The following SUZ12 variants were observed in gnomAD, a reference collection of about 807,000 sequenced individuals.
SUZ12 encodes the protein SUZ12 polycomb repressive complex 2 subunit.
Under a neutral mutation model 87.3 loss-of-function variants are expected in SUZ12, and 17 were observed. The ratio of observed to expected loss-of-function variants is 0.19; its 90% CI spans 0.13 to 0.29. The LOEUF is 0.29. SUZ12 is among the 10% of genes least tolerant of loss of function. SUZ12 has a pLI of 1.00. For synonymous variants in SUZ12, 253 were observed against 312.4 expected (o/e 0.81, Z 2.01); for missense variants, 526 against 912.2 (o/e 0.58, Z 5.45).
chr17:31,943,164 A>G (rs1227999649), intron 3 of SUZ12, among the ~76,000 whole-genome samples: 1 of 152,222 alleles, frequency 6.6e-6, no homozygotes, highest in East Asian at 1.9e-4. Flanking sequence ...GTAACTAAAA[A>G]GGAGGTGATG....
At chr17:31,965,944 T>G (rs2142161635) in intron 4 of SUZ12, 1 of 414,662 alleles carries the variant, frequency 2.4e-6, no homozygotes, top group Admixed American at 4.4e-5. Flanking sequence ...TTTTGTTGTT[T>G]ATTTTTTGTT....
At chr17:31,942,907 A>G (rs1906392415) in intron 3 of SUZ12, among the ~76,000 whole-genome samples, 1 of 152,194 alleles carries the variant, frequency 6.6e-6, no homozygotes, top group Admixed American at 6.5e-5. Context: ...TGGTATTGTC[A>G]TTATAGTTTT....
intron 10 of SUZ12, among the ~76,000 whole-genome samples, chr17:31,992,253 C>G (rs988126485): frequency 2.0e-5 from 3 of 152,056 alleles, no homozygotes; most frequent in Non-Finnish European, 2.9e-5. Context: ...GATTGTGCCA[C>G]TGCACGCCAG....
intron 4 of SUZ12, among the ~76,000 whole-genome samples, chr17:31,960,292 C>G (rs147610867): frequency 0.047 from 7,104 of 152,032 alleles, 532 homozygotes; most frequent in African/African-American, 0.16. Flanking sequence ...CTCACTGCAA[C>G]CTCCGCCTCC....
chr17:31,971,682 G>A (rs527505956), intron 5 of SUZ12, among the ~76,000 whole-genome samples: 6 of 151,960 alleles, frequency 3.9e-5, no homozygotes, highest in East Asian at 2.0e-4. Flanking sequence ...CACCTGCCTC[G>A]GCCTCCCTAA....
At chr17:31,945,052 A>T (rs9912129) in intron 3 of SUZ12, among the ~76,000 whole-genome samples, 6,444 of 112,954 alleles carry the variant, frequency 0.057, 490 homozygotes, top group African/African-American at 0.2. Context: ...GTAGAGGGAG[A>T]TGGTGTCTCA....
At chr17:31,998,566 G>T in intron 15 of SUZ12, 92 bp from the exon 16 acceptor site, 3 of 830,942 alleles carry the variant, frequency 3.6e-6, no homozygotes, top group African/African-American at 1.8e-5. Context: ...TATTTTACTG[G>T]AATTGGATAT....
At chr17:31,965,166 A>G (rs1026519764) in intron 4 of SUZ12, among the ~76,000 whole-genome samples, 3 of 152,096 alleles carry the variant, frequency 2.0e-5, no homozygotes, top group Non-Finnish European at 4.4e-5. Flanking sequence ...ATATATATAT[A>G]TGCCCTTTAC....
At chr17:31,981,253 A>ATT (rs1367872891) in intron 8 of SUZ12, among the ~76,000 whole-genome samples, 2 of 152,222 alleles carry the variant, frequency 1.3e-5, no homozygotes, top group Non-Finnish European at 2.9e-5. Context: ...GGTCATACTA[A>ATT]TTTTAAAAGA....
Position 31,998,980 on chromosome 17 carries a change from C to A in SUZ12, c.2197C>A (p.Gln733Lys). The A allele has an allele frequency of 6.4e-7, 1 of 1,556,900 alleles. No individual in the cohort carries two copies. Among genetic ancestry groups the A allele is most frequent in the Non-Finnish European group, 8.6e-7 (1 of 1,158,468 alleles). The stretch of plus-strand genomic sequence containing the variant: ...AGATAGTGTCTCAGGGGTTTCAAAA[C>A]AGAGCAAAAAACAAAAACTCTGAAA... Reference protein sequence around the residue: ...ETDSVSGVSKQSKKQKL With the variant: ...ETDSVSGVSKKSKKQKL The change falls in exon 16 of 16, where the codon CAG (glutamine) becomes AAG (lysine). Residue 733 changes from glutamine to lysine, a missense_variant. Coordinates refer to ENST00000322652, the MANE Select transcript of SUZ12 (RefSeq NM_015355.4).
chr17:31,946,842 T>A (rs1313740237), intron 3 of SUZ12, among the ~76,000 whole-genome samples: 1 of 152,214 alleles, frequency 6.6e-6, no homozygotes, highest in Non-Finnish European at 1.5e-5. Context: ...GAAGTTATAC[T>A]TAAGTTTCTA....
chr17:31,938,621 A>G (rs1359993186), intron 1 of SUZ12, among the ~76,000 whole-genome samples: 1 of 152,230 alleles, frequency 6.6e-6, no homozygotes, highest in Non-Finnish European at 1.5e-5. Context: ...CGTATTTCTT[A>G]GTATACTTTG....
At chr17:31,970,919 A>G (rs774003330) in intron 5 of SUZ12, among the ~76,000 whole-genome samples, 22 of 152,256 alleles carry the variant, frequency 1.4e-4, no homozygotes, top group Non-Finnish European at 2.5e-4. Context: ...AAGCTATTTG[A>G]TGAATTAGTG....
chr17:31,997,732 G>A (rs1216734400), intron 15 of SUZ12, among the ~76,000 whole-genome samples: 1 of 149,224 alleles, frequency 6.7e-6, no homozygotes, highest in Non-Finnish European at 1.5e-5. Flanking sequence ...CAGAAGGCAA[G>A]ACAGAGCTGT....
chr17:31,982,606 C>T (rs557109550), intron 8 of SUZ12, among the ~76,000 whole-genome samples: 10 of 152,252 alleles, frequency 6.6e-5, no homozygotes, highest in Admixed American at 2.6e-4. Flanking sequence ...TTGTGGTGAG[C>T]GGAGATTGCA....
chr17:31,952,937 G>A (rs1907077685), intron 4 of SUZ12, among the ~76,000 whole-genome samples: 1 of 152,154 alleles, frequency 6.6e-6, no homozygotes, highest in Admixed American at 6.6e-5. Flanking sequence ...ATCATGAAAA[G>A]ATTTTTAAAT....
In SUZ12 at chr17:31,975,467, T is replaced by C; in HGVS notation, c.592-15T>C. On this transcript the variant is annotated splice_polypyrimidine_tract_variant and intron_variant, in intron 6 of 15. Transcript: ENST00000322652. ...TATACAAATAAATATAAATTAATAATGTTTACCTTTGCAGGATGTAAGTTG... is the reference window on the plus strand; with the variant it reads ...TATACAAATAAATATAAATTAATAACGTTTACCTTTGCAGGATGTAAGTTG... 1 of 1,547,428 alleles carries C rather than the reference T, an allele frequency of 6.5e-7. No individual in the cohort carries two copies. The highest frequency in any genetic ancestry group is 2.3e-5 in the East Asian group (1 of 44,220).
At chr17:31,993,387 A>T in intron 11 of SUZ12, 54 bp downstream of exon 11, 1 of 1,148,160 alleles carries the variant, frequency 8.7e-7, no homozygotes, top group South Asian at 1.4e-5. Flanking sequence ...TGTTTTTTGT[A>T]TGTCAAACAT....
At chr17:31,982,750 T>A (rs1442012764) in intron 8 of SUZ12, among the ~76,000 whole-genome samples, 1 of 152,228 alleles carries the variant, frequency 6.6e-6, no homozygotes, top group Non-Finnish European at 1.5e-5. Context: ...AGGCATATTA[T>A]ACTTTACATG....
Sources: gnomAD v4.1 joint callset for allele counts (sites outside exome capture counted in the v4.1 genomes callset) on GRCh38, gnomAD v4.1.1 for gene constraint, MANE v1.5 for transcripts, NCBI Gene and HGNC (gene_info 2026-07-23, HGNC 2026-07-21) for gene names.